The following RAB38 variants were observed in gnomAD, a reference collection of about 807,000 sequenced individuals.
The protein encoded by RAB38 is ras-related protein Rab-38.
A neutral mutation model predicts 18.4 loss-of-function variants in RAB38; 15 were observed. That is an observed-to-expected ratio of 0.82 (90% CI 0.55 to 1.26). The LOEUF (loss-of-function observed/expected upper bound fraction) is 1.26, where lower values mean the gene tolerates loss of function less well. Among genes scored for constraint, RAB38 ranks in the 50% most tolerant of loss-of-function variants. The pLI is 0.00. For synonymous variants in RAB38, 101 were observed against 104.4 expected (o/e 0.97, Z 0.20); for missense variants, 294 against 267.4 (o/e 1.10, Z -0.69).
chr11:87,896,498 T>A, the RAB38 span, among the ~76,000 whole-genome samples: 4 of 151,660 alleles, frequency 2.6e-5, no homozygotes, highest in Non-Finnish European at 4.4e-5. Context: ...CTGAGATTTA[T>A]GAGAGAAAGT....
the RAB38 span, among the ~76,000 whole-genome samples, chr11:87,893,627 T>A: frequency 3.3e-5 from 5 of 151,438 alleles, no homozygotes; most frequent in African/African-American, 9.7e-5. Context: ...AACTTTTTCA[T>A]CTTATAAAAC....
the RAB38 span, among the ~76,000 whole-genome samples, chr11:87,865,191 T>G: frequency 6.6e-6 from 1 of 151,776 alleles, no homozygotes; most frequent in South Asian, 2.1e-4. Context: ...CCCCCGAAGA[T>G]GTCCATATAC....
the RAB38 span, among the ~76,000 whole-genome samples, chr11:87,941,421 A>T: frequency 6.6e-6 from 1 of 151,402 alleles, no homozygotes; most frequent in Admixed American, 6.6e-5. Flanking sequence ...CATTCAGGAA[A>T]TGTTGAGTTG....
At chr11:87,977,799 T>C in the RAB38 span, among the ~76,000 whole-genome samples, 6 of 107,266 alleles carry the variant, frequency 5.6e-5, no homozygotes, top group Non-Finnish European at 1.8e-5. Flanking sequence ...TTATATATAT[T>C]ATAGAGTTAT....
chr11:88,172,181 G>A (rs1007666001), intron 1 of RAB38, among the ~76,000 whole-genome samples: 2 of 152,198 alleles, frequency 1.3e-5, no homozygotes, highest in African/African-American at 4.8e-5. Flanking sequence ...CTCAGGCAAA[G>A]TTACTTCATT....
At chr11:87,823,879 T>C in the RAB38 span, among the ~76,000 whole-genome samples, 5 of 152,160 alleles carry the variant, frequency 3.3e-5, no homozygotes, top group African/African-American at 1.2e-4. Context: ...CTCAGATAAG[T>C]ACATATTATA....
At chr11:88,051,536 CAAAA>C in the RAB38 span, among the ~76,000 whole-genome samples, 2 of 127,050 alleles carry the variant, frequency 1.6e-5, no homozygotes, top group African/African-American at 5.8e-5. Context: ...CGGAACCTAA[CAAAA>C]AAAAAAAAGT....
chr11:87,914,666 A>T, the RAB38 span, among the ~76,000 whole-genome samples: 2 of 152,144 alleles, frequency 1.3e-5, no homozygotes, highest in African/African-American at 4.8e-5. Flanking sequence ...GTAATAGTGA[A>T]AACACTGAGA....
At chr11:87,920,360 T>TA in the RAB38 span, among the ~76,000 whole-genome samples, 2 of 151,950 alleles carry the variant, frequency 1.3e-5, no homozygotes, top group Admixed American at 6.6e-5. Flanking sequence ...TGCTCAAGAT[T>TA]AAAAAAAATT....
the RAB38 span, among the ~76,000 whole-genome samples, chr11:87,873,828 C>T: frequency 6.9e-6 from 1 of 144,720 alleles, no homozygotes; most frequent in African/African-American, 2.5e-5. Context: ...AATATGTTTA[C>T]TTTTCTTTCT....
the RAB38 span, among the ~76,000 whole-genome samples, chr11:87,917,559 G>A: frequency 6.8e-6 from 1 of 146,590 alleles, no homozygotes; most frequent in African/African-American, 2.5e-5. Context: ...TTTTCAGGGA[G>A]GGAAAGACAA....
At chr11:87,861,959 T>G in the RAB38 span, among the ~76,000 whole-genome samples, 1 of 151,808 alleles carries the variant, frequency 6.6e-6, no homozygotes, top group Admixed American at 6.6e-5. Context: ...AAAACCACAG[T>G]GAGATACCAT....
At chr11:88,108,483 T>C (rs527618147), downstream of RAB38, among the ~76,000 whole-genome samples, 14 of 152,326 alleles carry the variant, frequency 9.2e-5, no homozygotes, top group Non-Finnish European at 1.5e-4. Flanking sequence ...GTTTTTGCTT[T>C]CCATTTGCTT....
At chr11:88,114,165 T>G in intron 2 of RAB38, 25 bp from the exon 3 acceptor site, 1 of 1,611,680 alleles carries the variant, frequency 6.2e-7, no homozygotes, top group East Asian at 2.2e-5. Flanking sequence ...ATAAAACAGC[T>G]TTTCTTATTC....
the RAB38 span, among the ~76,000 whole-genome samples, chr11:88,087,616 C>T: frequency 6.6e-6 from 1 of 151,880 alleles, no homozygotes; most frequent in South Asian, 2.1e-4. Flanking sequence ...ACTGTATTGG[C>T]TCTTGGTAAA....
the RAB38 span, among the ~76,000 whole-genome samples, chr11:87,935,628 A>C: frequency 6.6e-6 from 1 of 152,124 alleles, no homozygotes; most frequent in Admixed American, 6.6e-5. Context: ...TGTTTTCCCC[A>C]GTGGTAACCT....
the RAB38 span, among the ~76,000 whole-genome samples, chr11:87,806,752 T>C: frequency 6.6e-6 from 1 of 152,250 alleles, no homozygotes; most frequent in South Asian, 2.1e-4. Context: ...AAGTATTTTA[T>C]TGTTTATTAA....
the RAB38 span, among the ~76,000 whole-genome samples, chr11:88,090,746 C>A: frequency 6.6e-6 from 1 of 151,820 alleles, no homozygotes; most frequent in Non-Finnish European, 1.5e-5. Context: ...CAAGTGGCAG[C>A]CAAAAATAAC....
the RAB38 span, among the ~76,000 whole-genome samples, chr11:87,963,700 G>T: frequency 6.7e-6 from 1 of 149,914 alleles, no homozygotes; most frequent in South Asian, 2.1e-4. Context: ...AGGCTGGAGT[G>T]CAGTGGTATG....
Sources: allele counts gnomAD v4.1 joint callset (sites outside exome capture counted in the v4.1 genomes callset), GRCh38; gene constraint gnomAD v4.1.1; transcripts MANE v1.5; gene names NCBI Gene and HGNC (gene_info 2026-07-23, HGNC 2026-07-21).